Variants in VRK1 observed in about 807,000 individuals in gnomAD.
VRK1 encodes the protein VRK serine/threonine kinase 1.
VRK1 carries 33 observed loss-of-function variants against 57.1 expected under a neutral mutation model. The observed-to-expected ratio is 0.58, with a 90% CI of 0.44 to 0.77. The LOEUF (loss-of-function observed/expected upper bound fraction) is 0.77, where lower values mean the gene tolerates loss of function less well. Ranked by LOEUF, VRK1 falls within the 30% of genes least tolerant of loss-of-function variation. The pLI, the probability that VRK1 is intolerant of heterozygous loss-of-function variation, is 0.00. For missense variants in VRK1, 413 were observed against 477.3 expected (o/e 0.87, Z 1.25); for synonymous variants, 137 against 147.8 (o/e 0.93, Z 0.53).
At chr14:96,821,551 T>C (rs544287022) in intron 1 of VRK1, among the ~76,000 whole-genome samples, 5 of 152,328 alleles carry the variant, frequency 3.3e-5, no homozygotes, top group South Asian at 4.1e-4. Flanking sequence ...TCTTATTCAG[T>C]AAAGATAAAT....
rs576796381 is a variant in VRK1, at chr14:96,824,092, A to T, written c.-5-9375A>T. Among the ~76,000 whole-genome samples, 172 of 152,354 alleles carry T rather than the reference A, an allele frequency of 1.1e-3. No individual in the cohort carries two copies. In the Middle Eastern group the frequency reaches 0.014, roughly 12 times the overall value. On this transcript the variant is annotated intron_variant, in intron 1 of 12. Transcript: ENST00000216639. ...TTTCAAATAAATGTCCTGAATTTCC[A>T]AAGATCTTAATTTTATTGAGTAGCA... is the stretch of plus-strand genomic sequence containing the variant.
intron 1 of VRK1, among the ~76,000 whole-genome samples, chr14:96,808,019 G>GTCTCTCTCTCTCTCTCTC (rs1566683621): frequency 2.6e-3 from 90 of 34,242 alleles, no homozygotes; most frequent in Middle Eastern, 0.023. Context: ...CTCTCCCTCT[G>GTCTCTCTCTCTCTCTCTC]TGTGTGTGTG....
chr14:96,798,659 G>C (rs973745103), intron 1 of VRK1, among the ~76,000 whole-genome samples: 1 of 152,098 alleles, frequency 6.6e-6, no homozygotes, highest in Non-Finnish European at 1.5e-5. Flanking sequence ...TTATTTTCAA[G>C]AGTTGACAAT....
intron 12 of VRK1, among the ~76,000 whole-genome samples, chr14:96,879,159 A>G (rs1267882798): frequency 6.6e-6 from 1 of 152,132 alleles, no homozygotes; most frequent in African/African-American, 2.4e-5. Context: ...ATATCAAATT[A>G]TATACATTAG....
chr14:96,811,170 A>T (rs1009434706), intron 1 of VRK1, among the ~76,000 whole-genome samples: 9 of 151,988 alleles, frequency 5.9e-5, no homozygotes, highest in Non-Finnish European at 1.0e-4. Flanking sequence ...ACCTCAAGTG[A>T]TCCACCCACC....
intron 10 of VRK1, chr14:96,859,139 G>C (rs1418940679): frequency 6.6e-6 from 1 of 152,116 alleles, no homozygotes; most frequent in African/African-American, 2.4e-5. Flanking sequence ...AGTATTTAAT[G>C]CTATTTTAGG....
Position 96,855,251 on chromosome 14 carries a change from T to A in VRK1, c.604T>A (p.Tyr202Asn), listed in dbSNP as rs1888106255. ...GTACTTGGTAGATTATGGCCTTGCT[T>A]ATCGGTACTGCCCAGAAGGAGTTCA... ...QVYLVDYGLA[Y>N]RYCPEGVHKE... The change falls in exon 8 of 13, where the codon TAT becomes AAT. Residue 202 changes from tyrosine (Y) to asparagine (N), a missense_variant. Physicochemically the swap from Tyr to Asn is moderately radical, Grantham distance 143 (BLOSUM62 -2). This residue lies in a region of VRK1 where 151 missense variants were observed against 225.5 expected (regional missense o/e 0.67). Coordinates refer to ENST00000216639, the MANE Select transcript of VRK1 (RefSeq NM_003384.3). The A allele has an allele frequency of 6.2e-7, 1 of 1,613,926 alleles. No individual in the cohort carries two copies. The highest frequency in any genetic ancestry group is 8.5e-7 in the Non-Finnish European group (1 of 1,179,956).
intron 1 of VRK1, among the ~76,000 whole-genome samples, chr14:96,799,286 A>G (rs1445491050): frequency 6.6e-6 from 1 of 152,170 alleles, no homozygotes; most frequent in Non-Finnish European, 1.5e-5. Flanking sequence ...CAAAATGTTG[A>G]CAGACCCTAA....
At chr14:96,872,041 G>C (rs1207617813) in intron 11 of VRK1, among the ~76,000 whole-genome samples, 1 of 152,148 alleles carries the variant, frequency 6.6e-6, no homozygotes, top group Admixed American at 6.5e-5. Context: ...CTGACCTCAA[G>C]TGATCCACCC....
intron 11 of VRK1, among the ~76,000 whole-genome samples, chr14:96,869,757 A>G (rs772060025): frequency 6.6e-6 from 1 of 152,126 alleles, no homozygotes; most frequent in South Asian, 2.1e-4. Context: ...AGTCCTGACC[A>G]CCAGAGAATT....
intron 2 of VRK1, among the ~76,000 whole-genome samples, chr14:96,837,130 CG>C (rs1887251345): frequency 6.6e-6 from 1 of 152,118 alleles, no homozygotes; most frequent in African/African-American, 2.4e-5. Flanking sequence ...TAGAAACTGA[CG>C]TTTAGTATGT....
chr14:96,831,276 TTTGG>T (rs1223734098), intron 1 of VRK1, among the ~76,000 whole-genome samples: 2 of 152,174 alleles, frequency 1.3e-5, no homozygotes, highest in African/African-American at 4.8e-5. Context: ...TGTCCCTCCG[TTTGG>T]TTGGAGAGGT....
intron 11 of VRK1, among the ~76,000 whole-genome samples, chr14:96,866,735 T>A (rs1888602971): frequency 6.6e-6 from 1 of 152,160 alleles, no homozygotes; most frequent in Admixed American, 6.5e-5. Context: ...AATTTCAGAA[T>A]GGTGTTTGCT....
At chr14:96,835,783 C>G (rs1242654788) in intron 2 of VRK1, among the ~76,000 whole-genome samples, 1 of 152,178 alleles carries the variant, frequency 6.6e-6, no homozygotes, top group Non-Finnish European at 1.5e-5. Context: ...ATTCATTTCT[C>G]TCCATCTTTG....
intron 1 of VRK1, among the ~76,000 whole-genome samples, chr14:96,799,833 A>T (rs1253409257): frequency 6.6e-6 from 1 of 152,150 alleles, no homozygotes; most frequent in African/African-American, 2.4e-5. Flanking sequence ...GGACTCATTT[A>T]TTCAGCAGAG....
At chr14:96,875,371 T>C (rs1888984556) in intron 11 of VRK1, among the ~76,000 whole-genome samples, 1 of 152,220 alleles carries the variant, frequency 6.6e-6, no homozygotes, top group Admixed American at 6.5e-5. Context: ...CAAGAGAATG[T>C]AGGAAATCCA....
At chr14:96,853,607 G>C (rs550945173) in intron 7 of VRK1, among the ~76,000 whole-genome samples, 1 of 151,612 alleles carries the variant, frequency 6.6e-6, no homozygotes, top group Non-Finnish European at 1.5e-5. Flanking sequence ...TATCTTAGCT[G>C]TCTAAATTTG....
chr14:96,865,562 C>A (rs1041292540), intron 11 of VRK1, among the ~76,000 whole-genome samples: 1 of 152,126 alleles, frequency 6.6e-6, no homozygotes, highest in African/African-American at 2.4e-5. Context: ...AAAAATACTT[C>A]TAGGATTTTG....
intron 1 of VRK1, among the ~76,000 whole-genome samples, chr14:96,828,001 C>T (rs1196137774): frequency 1.3e-5 from 2 of 152,172 alleles, no homozygotes; most frequent in East Asian, 1.9e-4. Flanking sequence ...CCTTAGTCCC[C>T]AAAGTGATAT....
Sources: gnomAD v4.1 joint callset for allele counts (sites outside exome capture counted in the v4.1 genomes callset) on GRCh38, gnomAD v4.1.1 for gene constraint, gnomAD v4.1.1 regional missense constraint, MANE v1.5 for transcripts, NCBI Gene and HGNC (gene_info 2026-07-23, HGNC 2026-07-21) for gene names.